Variants in ABCC9 observed in about 807,000 individuals in gnomAD.
ABCC9 encodes the protein ATP-binding cassette sub-family C member 9.
ABCC9 carries 95 observed loss-of-function variants against 188.3 expected under a neutral mutation model. That is an observed-to-expected ratio of 0.50 (90% CI 0.43 to 0.60). The LOEUF is 0.60. ABCC9 is among the 20% of genes least tolerant of loss of function. The probability of loss-of-function intolerance (pLI) is 0.00; values close to 1 mark genes in which losing one functional copy is unlikely to be tolerated. For synonymous variants in ABCC9, 659 were observed against 652.7 expected, an observed-to-expected ratio of 1.01 and a Z score of -0.15; for missense variants, 1,102 against 1,876.3, an observed-to-expected ratio of 0.59 and a Z score of 7.62.
intron 31 of ABCC9, 75 bp from the exon 32 acceptor site, chr12:21,818,326 T>G: frequency 8.9e-7 from 1 of 1,122,634 alleles, no homozygotes; most frequent in East Asian, 2.4e-5. Context: ...TTTACAGAGG[T>G]GATCACTAAG....
intron 5 of ABCC9, chr12:21,923,843 A>G: frequency 1.4e-6 from 1 of 700,616 alleles, no homozygotes; most frequent in South Asian, 1.5e-5. Context: ...TTTTACTCTC[A>G]TGATGGCTAA....
At chr12:21,859,857 T>C (rs565416066) in intron 21 of ABCC9, among the ~76,000 whole-genome samples, 191 bp from the exon 22 acceptor site, 1 of 152,320 alleles carries the variant, frequency 6.6e-6, no homozygotes, top group Admixed American at 6.5e-5. Flanking sequence ...ATAATCAAGA[T>C]GGCTTCAGGC....
At chr12:21,867,822 G>A (rs1283799) in intron 18 of ABCC9, among the ~76,000 whole-genome samples, 1,205 of 137,324 alleles carry the variant, frequency 8.8e-3, no homozygotes, top group Non-Finnish European at 0.011. Flanking sequence ...AGAGGGAAAA[G>A]AAAAAAAAAA....
intron 4 of ABCC9, among the ~76,000 whole-genome samples, chr12:21,928,176 C>T (rs1036781154): frequency 4.1e-5 from 6 of 147,826 alleles, no homozygotes; most frequent in Non-Finnish European, 4.5e-5. Context: ...ACCGAGATCA[C>T]GCGGCTGCAC....
chr12:21,908,358 G>T lies in ABCC9; in HGVS notation c.1321-147C>A, dbSNP rs1592207055. 4 of 1,043,018 alleles carry T rather than the reference G, an allele frequency of 3.8e-6. No individual in the cohort carries two copies. The East Asian group carries it at 7.9e-5, about 21-fold the overall frequency. The allele number at this position is 1,043,018 out of a possible 1,614,324, so 64.6% of individuals were successfully genotyped here. Reference sequence around the variant, plus strand: ...CAACGGTATTAGGGTTCTCTAGAGGGACAGAATTAACCATCAAGTCAACCC... The same window carrying T: ...CAACGGTATTAGGGTTCTCTAGAGGTACAGAATTAACCATCAAGTCAACCC... On this transcript the variant is annotated intron_variant, in intron 10 of 39. Transcript: ENST00000261200.
At chr12:21,807,578 G>T in intron 37 of ABCC9, 99 bp from the exon 38 acceptor site, 1 of 1,500,728 alleles carries the variant, frequency 6.7e-7, no homozygotes, top group Non-Finnish European at 9.2e-7. Context: ...ATGACAGCAT[G>T]ATGGATATCA....
At chr12:21,903,602 G>A (rs1947880535) in intron 12 of ABCC9, among the ~76,000 whole-genome samples, 1 of 152,134 alleles carries the variant, frequency 6.6e-6, no homozygotes, top group Non-Finnish European at 1.5e-5. Context: ...CAAAATCAAT[G>A]TGCAAAAATC....
chr12:21,816,880 A>G (rs1942681324), intron 33 of ABCC9, among the ~76,000 whole-genome samples: 1 of 152,198 alleles, frequency 6.6e-6, no homozygotes, highest in Non-Finnish European at 1.5e-5. Flanking sequence ...CTAAGTTAAT[A>G]ACGTCTTGAG....
intron 8 of ABCC9, among the ~76,000 whole-genome samples, chr12:21,911,898 A>G (rs201554482): frequency 9.9e-5 from 1 of 10,052 alleles, no homozygotes; most frequent in Non-Finnish European, 2.5e-4. Flanking sequence ...CTGGTTCATG[A>G]ACACTAATGT....
At chr12:21,812,488 G>A (rs1446793490) in intron 35 of ABCC9, among the ~76,000 whole-genome samples, 1 of 152,136 alleles carries the variant, frequency 6.6e-6, no homozygotes, top group Non-Finnish European at 1.5e-5. Flanking sequence ...AGAAAATATG[G>A]CACATATACA....
intron 20 of ABCC9, among the ~76,000 whole-genome samples, chr12:21,862,580 ATTC>A (rs137881774): frequency 0.32 from 48,748 of 151,582 alleles, 7,929 homozygotes; most frequent in East Asian, 0.4. Context: ...CAGGTCCTAT[ATTC>A]TTCTTCTTTT....
Position 21,862,961 on chromosome 12 carries a change from G to A in ABCC9, c.2331C>T (p.Asn777=), listed in dbSNP as rs765227350. The change falls in exon 20 of 40, where the codon AAC becomes AAT. Residue 777 remains asparagine, a synonymous_variant. Coordinates refer to ENST00000261200, the MANE Select transcript of ABCC9 (RefSeq NM_020297.4). ...EENITFGSPF[N]KQRYKAVTDA... ...TATATGCTCAAAATTACCTCTGTTT[G>A]TTAAAAGGACTTCCAAAAGTAATAT... is the stretch of plus-strand genomic sequence containing the variant. The A allele has an allele frequency of 1.9e-6, 3 of 1,602,762 alleles. No homozygotes were observed. Among genetic ancestry groups the A allele is most frequent in the Non-Finnish European group, 2.6e-6 (3 of 1,170,806 alleles).
At chr12:21,810,778 A>G (rs867654252) in intron 36 of ABCC9, among the ~76,000 whole-genome samples, 7 of 152,308 alleles carry the variant, frequency 4.6e-5, no homozygotes, top group Middle Eastern at 6.8e-3. Context: ...TTGGAGATAT[A>G]AATTCACTAT....
At chr12:21,934,548 A>T (rs1478656298) in intron 3 of ABCC9, among the ~76,000 whole-genome samples, 1 of 152,096 alleles carries the variant, frequency 6.6e-6, no homozygotes. Flanking sequence ...GAAGAAAAAA[A>T]TTCAAGGTTG....
chr12:21,809,124 ATGAGT>A (rs1942055744), intron 37 of ABCC9, among the ~76,000 whole-genome samples: 2 of 152,106 alleles, frequency 1.3e-5, no homozygotes, highest in Non-Finnish European at 1.5e-5. Flanking sequence ...GCTTTCTTAG[ATGAGT>A]TAAGATGTTA....
At chr12:21,815,075 C>A (rs1942513778) in intron 34 of ABCC9, among the ~76,000 whole-genome samples, 1 of 151,978 alleles carries the variant, frequency 6.6e-6, no homozygotes, top group Admixed American at 6.6e-5. Flanking sequence ...CCCAGCTACT[C>A]AGAAGGCTCA....
At chr12:21,884,492 TG>T (rs144619950) in intron 15 of ABCC9, among the ~76,000 whole-genome samples, 126 of 152,280 alleles carry the variant, frequency 8.3e-4, no homozygotes, top group African/African-American at 2.8e-3. Context: ...TTGTTGGTTT[TG>T]GGGGGTTATT....
Position 21,915,761 on chromosome 12 carries a change from C to A in ABCC9, c.723G>T (p.Lys241Asn), listed in dbSNP as rs1948578084. ...MNTLIISAHK[K>N]PIDLKAIGKL... ...TTCCAATTGCCTTCAGATCAATAGG[C>A]TTTTTGTGAGCAGATATAATAAGTG... Residue 241 changes from lysine (K) to asparagine (N), a missense_variant, in exon 7 of 40, where the codon AAG becomes AAT. Lys to Asn is a moderately conservative substitution (Grantham distance 94). Coordinates refer to ENST00000261200, the MANE Select transcript of ABCC9 (RefSeq NM_020297.4). The A allele has an allele frequency of 6.2e-7, 1 of 1,613,030 alleles. No individual in the cohort carries two copies. The highest frequency in any genetic ancestry group is 1.3e-5 in the African/African-American group (1 of 74,750).
chr12:21,845,848 TTTTG>T lies in ABCC9; in HGVS notation c.2867-20_2867-17del, dbSNP rs770568794. 3 of 1,607,252 alleles carry T rather than the reference TTTTG, an allele frequency of 1.9e-6. No individual in the cohort carries two copies. The highest frequency in any genetic ancestry group is 2.5e-6 in the Non-Finnish European group (3 of 1,176,742). ...TCTTCTTCCTCTACATACAAAAAAC[TTTTG>T]TTTAAGCTTCAGATGGGCACCGGCT... On this transcript the variant is annotated splice_polypyrimidine_tract_variant and intron_variant, in intron 25 of 39. Coordinates refer to ENST00000261200, the MANE Select transcript of ABCC9 (RefSeq NM_020297.4).
Sources: allele counts gnomAD v4.1 joint callset (sites outside exome capture counted in the v4.1 genomes callset), GRCh38; gene constraint gnomAD v4.1.1; transcripts MANE v1.5; gene names NCBI Gene and HGNC (gene_info 2026-07-23, HGNC 2026-07-21).